WDR7: variants seen among roughly 807,000 people sequenced by gnomAD.
WDR7 encodes the protein WD repeat domain 7, also known as WD repeat-containing protein 7.
A neutral mutation model predicts 169.4 loss-of-function variants in WDR7; 46 were observed. That is an observed-to-expected ratio of 0.27 (90% CI 0.21 to 0.35). The LOEUF (loss-of-function observed/expected upper bound fraction) is 0.35, where lower values mean the gene tolerates loss of function less well. Among genes scored for constraint, WDR7 ranks in the 10% least tolerant of loss-of-function variants. WDR7 has a pLI of 1.00. For missense variants in WDR7, 1,534 were observed against 1,859.3 expected (o/e 0.83, Z 3.22); for synonymous variants, 612 against 666.8 (o/e 0.92, Z 1.27).
chr18:56,746,926 T>C (rs1474469115), intron 14 of WDR7, among the ~76,000 whole-genome samples: 1 of 152,216 alleles, frequency 6.6e-6, no homozygotes, highest in African/African-American at 2.4e-5. Flanking sequence ...CATTACCAAG[T>C]GTCCGTTGGG....
intron 12 of WDR7, among the ~76,000 whole-genome samples, chr18:56,707,528 T>A (rs2025987550): frequency 6.6e-6 from 1 of 151,994 alleles, no homozygotes; most frequent in African/African-American, 2.4e-5. Flanking sequence ...GAAATTATAG[T>A]CCTAAGTACC....
chr18:56,912,881 A>ATT (rs780826650), intron 21 of WDR7, among the ~76,000 whole-genome samples: 15 of 144,994 alleles, frequency 1.0e-4, no homozygotes, highest in African/African-American at 3.5e-4. Context: ...TTTTAATTTA[A>ATT]TTTTTTTTTT....
At chr18:57,016,109 G>T (rs1482916932) in intron 26 of WDR7, among the ~76,000 whole-genome samples, 1 of 152,076 alleles carries the variant, frequency 6.6e-6, no homozygotes, top group Non-Finnish European at 1.5e-5. Context: ...ACGTATTTCG[G>T]CTCAGCAGAC....
chr18:56,968,982 C>T (rs9967170), intron 26 of WDR7, among the ~76,000 whole-genome samples: 13,274 of 152,218 alleles, frequency 0.087, 1,849 homozygotes, highest in African/African-American at 0.3. Flanking sequence ...TGAAAATCCA[C>T]ACATTATTAT....
At chr18:56,924,142 C>G (rs1403686037) in intron 22 of WDR7, 34 bp downstream of exon 22, 2 of 1,602,030 alleles carry the variant, frequency 1.2e-6, no homozygotes, top group Non-Finnish European at 1.7e-6. Context: ...TAATTTGTCA[C>G]TGTTTTTTGT....
At chr18:56,962,734 T>A (rs2047355118) in intron 26 of WDR7, among the ~76,000 whole-genome samples, 1 of 152,178 alleles carries the variant, frequency 6.6e-6, no homozygotes, top group Non-Finnish European at 1.5e-5. Context: ...ACAGAAGAGT[T>A]CATAAGAGAG....
At chr18:56,975,636 T>C (rs73958732) in intron 26 of WDR7, among the ~76,000 whole-genome samples, 1,696 of 152,262 alleles carry the variant, frequency 0.011, 23 homozygotes, top group African/African-American at 0.032. Flanking sequence ...TTTTTGATAG[T>C]ACCATCCCAG....
intron 14 of WDR7, among the ~76,000 whole-genome samples, chr18:56,742,510 C>G (rs1208913115): frequency 6.6e-6 from 1 of 152,054 alleles, no homozygotes; most frequent in African/African-American, 2.4e-5. Flanking sequence ...CTTTTAAAGC[C>G]TCTGTTAGAA....
chr18:57,033,740 TG>T (rs1015216020), downstream of WDR7: 3 of 150,932 alleles, frequency 2.0e-5, no homozygotes, highest in African/African-American at 4.9e-5. Flanking sequence ...AGCTGTGTGC[TG>T]AGTCCTTCCG....
intron 25 of WDR7, among the ~76,000 whole-genome samples, chr18:56,950,433 A>G (rs967908817): frequency 6.6e-6 from 1 of 152,190 alleles, no homozygotes; most frequent in African/African-American, 2.4e-5. Context: ...CAAAGTCAAC[A>G]CGATGAAAAG....
downstream of WDR7, chr18:57,034,150 CAG>C (rs1490700342): frequency 6.6e-6 from 1 of 151,778 alleles, no homozygotes. Context: ...CTCTGGGTGA[CAG>C]AGACTCAGCA....
intron 14 of WDR7, among the ~76,000 whole-genome samples, chr18:56,750,124 A>T (rs989060126): frequency 6.6e-5 from 10 of 152,076 alleles, no homozygotes; most frequent in Non-Finnish European, 1.3e-4. Context: ...TTTTCACTTG[A>T]CAATTTTACC....
At chr18:56,963,927 A>T (rs2047369669) in intron 26 of WDR7, among the ~76,000 whole-genome samples, 1 of 151,608 alleles carries the variant, frequency 6.6e-6, no homozygotes, top group Non-Finnish European at 1.5e-5. Flanking sequence ...ACAAGCATCT[A>T]CCAGGTAAAG....
At chr18:56,764,319 A>G (rs1321370020) in intron 16 of WDR7, among the ~76,000 whole-genome samples, 1 of 152,120 alleles carries the variant, frequency 6.6e-6, no homozygotes, top group East Asian at 1.9e-4. Flanking sequence ...GGATTTTCCT[A>G]GGATCTGTCT....
At chr18:56,841,827 G>A (rs1225255308) in intron 20 of WDR7, among the ~76,000 whole-genome samples, 1 of 152,036 alleles carries the variant, frequency 6.6e-6, no homozygotes, top group Non-Finnish European at 1.5e-5. Context: ...TTAGGATGCT[G>A]GGGTTGAATC....
chr18:56,756,708 A>G lies in WDR7; in HGVS notation c.2115A>G (p.Glu705=). 1 of 1,614,174 alleles carries G rather than the reference A, an allele frequency of 6.2e-7. No individual in the cohort carries two copies. ...CGTTGATTATTCAACTCCTGACTGA[A>G]GAAGCCTCTAGGCCGAATACTGCTC... ...VEALIIQLLT[E]EASRPNTALI... Residue 705 remains glutamate (E), a synonymous_variant, in exon 15 of 28, where the codon GAA becomes GAG. Coordinates refer to ENST00000254442, the MANE Select transcript of WDR7 (RefSeq NM_015285.3).
At chr18:56,898,783 T>C (rs2046363492) in intron 21 of WDR7, among the ~76,000 whole-genome samples, 1 of 152,064 alleles carries the variant, frequency 6.6e-6, no homozygotes, top group African/African-American at 2.4e-5. Flanking sequence ...TAGAAGTGGA[T>C]GTGGGAACCA....
intron 13 of WDR7, among the ~76,000 whole-genome samples, chr18:56,723,336 T>C (rs2026365778): frequency 6.6e-6 from 1 of 152,134 alleles, no homozygotes; most frequent in African/African-American, 2.4e-5. Flanking sequence ...TTTGTGTAGA[T>C]ATAGATTTTG....
At chr18:56,843,857 CTTTTTT>C (rs776575088) in intron 20 of WDR7, among the ~76,000 whole-genome samples, 1 of 134,330 alleles carries the variant, frequency 7.4e-6, no homozygotes, top group African/African-American at 2.9e-5. Context: ...TTTTTTCTTT[CTTTTTT>C]TTTTTTTTTT....
Sources: gnomAD v4.1 joint callset for allele counts (sites outside exome capture counted in the v4.1 genomes callset) on GRCh38, gnomAD v4.1.1 for gene constraint, MANE v1.5 for transcripts, NCBI Gene and HGNC (gene_info 2026-07-23, HGNC 2026-07-21) for gene names.